The following LINGO2 variants were observed in gnomAD, a reference collection of about 807,000 sequenced individuals.
The protein encoded by LINGO2 is leucine-rich repeat and immunoglobulin-like domain-containing nogo receptor-interacting protein 2.
In LINGO2, 14 loss-of-function variants were observed where a neutral mutation model predicts 30.6. That is an observed-to-expected ratio of 0.46 (90% CI 0.30 to 0.72). The LOEUF (loss-of-function observed/expected upper bound fraction) is 0.72, where lower values mean the gene tolerates loss of function less well. Among genes scored for constraint, LINGO2 ranks in the 30% least tolerant of loss-of-function variants. The pLI is 0.07. For synonymous variants in LINGO2, 317 were observed against 288.5 expected, an observed-to-expected ratio of 1.10 and a Z score of -1.00; for missense variants, 729 against 751.7, an observed-to-expected ratio of 0.97 and a Z score of 0.35.
At chr9:28,112,079 T>A (rs1318983314) in intron 4 of LINGO2, among the ~76,000 whole-genome samples, 1 of 99,108 alleles carries the variant, frequency 1.0e-5, no homozygotes, top group Non-Finnish European at 2.0e-5. Context: ...CCCACCACAG[T>A]CCCCAGAGTG....
At chr9:28,386,569 C>G (rs1043634516) in intron 2 of LINGO2, among the ~76,000 whole-genome samples, 2 of 152,080 alleles carry the variant, frequency 1.3e-5, no homozygotes, top group African/African-American at 2.4e-5. Context: ...CTTAAAAAAA[C>G]CACAATATCT....
chr9:27,994,005 A>G (rs1821530124), intron 5 of LINGO2, among the ~76,000 whole-genome samples: 1 of 152,124 alleles, frequency 6.6e-6, no homozygotes, highest in Non-Finnish European at 1.5e-5. Context: ...GGAACTTTGG[A>G]AACTGTACAA....
At chr9:28,638,374 G>A (rs759938046) in intron 1 of LINGO2, among the ~76,000 whole-genome samples, 1 of 152,112 alleles carries the variant, frequency 6.6e-6, no homozygotes, top group Non-Finnish European at 1.5e-5. Context: ...ATATTGATTG[G>A]AATAGTTTCA....
chr9:28,791,157 G>T, the LINGO2 span, among the ~76,000 whole-genome samples: 1 of 152,034 alleles, frequency 6.6e-6, no homozygotes, highest in East Asian at 1.9e-4. Flanking sequence ...TCAGAATACA[G>T]GAAAGTATAG....
chr9:28,572,171 T>G (rs997274303), intron 1 of LINGO2, among the ~76,000 whole-genome samples: 7 of 152,092 alleles, frequency 4.6e-5, no homozygotes, highest in Admixed American at 3.3e-4. Flanking sequence ...TGCTGTGTTC[T>G]CTCTTCCCCT....
the LINGO2 span, among the ~76,000 whole-genome samples, chr9:29,205,079 T>A: frequency 6.6e-6 from 1 of 152,136 alleles, no homozygotes; most frequent in African/African-American, 2.4e-5. Context: ...TTTTTTTCTG[T>A]CGCCAGGCTG....
the LINGO2 span, among the ~76,000 whole-genome samples, chr9:29,188,943 G>T: frequency 1.3e-5 from 2 of 148,350 alleles, no homozygotes; most frequent in South Asian, 4.3e-4. Flanking sequence ...GGACGGGGTG[G>T]CTGGCCCGGC....
intron 4 of LINGO2, among the ~76,000 whole-genome samples, chr9:28,082,719 AG>A (rs1825806372): frequency 6.6e-6 from 1 of 152,170 alleles, no homozygotes; most frequent in African/African-American, 2.4e-5. Flanking sequence ...AGTTAAAGAA[AG>A]AACATGTTCT....
intron 4 of LINGO2, among the ~76,000 whole-genome samples, chr9:28,033,670 T>G (rs1411340359): frequency 1.3e-5 from 2 of 152,168 alleles, no homozygotes; most frequent in African/African-American, 4.8e-5. Flanking sequence ...TACTTCAAAA[T>G]TTTTTGCAGT....
At chr9:27,998,405 G>A (rs759883741) in intron 5 of LINGO2, among the ~76,000 whole-genome samples, 1 of 152,138 alleles carries the variant, frequency 6.6e-6, no homozygotes, top group African/African-American at 2.4e-5. Flanking sequence ...GCCCTCAGCT[G>A]TTCCAGTTAT....
At chr9:28,416,786 G>A (rs1338433547) in intron 2 of LINGO2, among the ~76,000 whole-genome samples, 1 of 152,078 alleles carries the variant, frequency 6.6e-6, no homozygotes, top group African/African-American at 2.4e-5. Flanking sequence ...GCTTTTATTA[G>A]GTTATATTTA....
intron 4 of LINGO2, among the ~76,000 whole-genome samples, chr9:28,222,930 A>C (rs1821017253): frequency 1.3e-5 from 2 of 152,172 alleles, no homozygotes; most frequent in Non-Finnish European, 2.9e-5. Context: ...GAGTTTACCT[A>C]GTTAGTCAGA....
chr9:28,364,032 C>T (rs900747439), intron 3 of LINGO2, among the ~76,000 whole-genome samples: 1 of 151,072 alleles, frequency 6.6e-6, no homozygotes, highest in East Asian at 1.9e-4. Flanking sequence ...GTAAAGATGG[C>T]TGTTACCCCT....
At chr9:28,278,907 T>C (rs184074695) in intron 4 of LINGO2, among the ~76,000 whole-genome samples, 1 of 149,874 alleles carries the variant, frequency 6.7e-6, no homozygotes, top group Non-Finnish European at 1.5e-5. Flanking sequence ...CTGGAAAAGA[T>C]TCACCATTCT....
chr9:28,167,151 C>CCA (rs1491547834), intron 4 of LINGO2, among the ~76,000 whole-genome samples: 1 of 101,248 alleles, frequency 9.9e-6, no homozygotes, highest in African/African-American at 3.5e-5. Flanking sequence ...CCCCCCCCCC[C>CCA]ACTTTTCTTT....
At chr9:28,821,420 C>T in the LINGO2 span, among the ~76,000 whole-genome samples, 1 of 152,164 alleles carries the variant, frequency 6.6e-6, no homozygotes, top group Non-Finnish European at 1.5e-5. Flanking sequence ...TGGTGGGATG[C>T]TCACCCCAAC....
At chr9:28,447,774 AAC>A (rs761972978) in intron 2 of LINGO2, among the ~76,000 whole-genome samples, 1 of 152,218 alleles carries the variant, frequency 6.6e-6, no homozygotes, top group Non-Finnish European at 1.5e-5. Flanking sequence ...ACAAGTTTAT[AAC>A]ACAAAACTTT....
At chr9:28,616,893 G>A (rs1826152983) in intron 1 of LINGO2, among the ~76,000 whole-genome samples, 1 of 152,172 alleles carries the variant, frequency 6.6e-6, no homozygotes, top group Admixed American at 6.5e-5. Context: ...ACATCCAAAA[G>A]ACTCTTTCAT....
the LINGO2 span, among the ~76,000 whole-genome samples, chr9:28,761,650 G>A: frequency 6.6e-6 from 1 of 151,818 alleles, no homozygotes; most frequent in South Asian, 2.1e-4. Flanking sequence ...ATCTATTAGT[G>A]ATACCCCTAA....
Sources: gnomAD v4.1 joint callset for allele counts (sites outside exome capture counted in the v4.1 genomes callset) on GRCh38, gnomAD v4.1.1 for gene constraint, MANE v1.5 for transcripts, NCBI Gene and HGNC (gene_info 2026-07-23, HGNC 2026-07-21) for gene names.